The following CFAP36 variants were observed in gnomAD, a reference collection of about 807,000 sequenced individuals.
CFAP36 encodes the protein cilia- and flagella-associated protein 36.
A neutral mutation model predicts 50.5 loss-of-function variants in CFAP36; 37 were observed. That is an observed-to-expected ratio of 0.73 (90% CI 0.56 to 0.96). CFAP36 has a LOEUF of 0.96. Among genes scored for constraint, CFAP36 ranks in the 50% least tolerant of loss-of-function variants. CFAP36 has a pLI of 0.00. For synonymous variants in CFAP36, 138 were observed against 128.2 expected, an observed-to-expected ratio of 1.08 and a Z score of -0.52; for missense variants, 407 against 396.2, an observed-to-expected ratio of 1.03 and a Z score of -0.23.
chr2:55,522,005 T>G, intron 1 of CFAP36, 97 bp from the exon 2 acceptor site: 1 of 631,124 alleles, frequency 1.6e-6, no homozygotes, highest in Non-Finnish European at 2.8e-6. Flanking sequence ...GCTGAAGAGC[T>G]AGGTTGACAG....
intron 4 of CFAP36, among the ~76,000 whole-genome samples, chr2:55,530,118 TAATTGAATTTTGGGGGC>T (rs1684316817): frequency 6.6e-6 from 1 of 151,994 alleles, no homozygotes; most frequent in Non-Finnish European, 1.5e-5. Context: ...CAGTGGGAGG[TAATTGAATTTTGGGGGC>T]AGGTGTTCCC....
intron 9 of CFAP36, among the ~76,000 whole-genome samples, 156 bp downstream of exon 9, chr2:55,544,525 T>G (rs1233562442): frequency 1.3e-5 from 2 of 152,144 alleles, no homozygotes; most frequent in Non-Finnish European, 2.9e-5. Flanking sequence ...TTCTAGGAAG[T>G]GAAATTGTTG....
At chr2:55,530,305 G>T (rs555704636) in intron 4 of CFAP36, among the ~76,000 whole-genome samples, 1 of 152,342 alleles carries the variant, frequency 6.6e-6, no homozygotes, top group Admixed American at 6.5e-5. Context: ...CCCCAGCCAT[G>T]TGGAAATGTA....
At chr2:55,531,494 G>T (rs1239798670) in intron 4 of CFAP36, among the ~76,000 whole-genome samples, 1 of 152,178 alleles carries the variant, frequency 6.6e-6, no homozygotes, top group African/African-American at 2.4e-5. Flanking sequence ...CAGAGGAAGG[G>T]AGAGAAGGAA....
At chr2:55,525,983 C>G (rs1007143235) in intron 3 of CFAP36, among the ~76,000 whole-genome samples, 1 of 152,204 alleles carries the variant, frequency 6.6e-6, no homozygotes, top group Non-Finnish European at 1.5e-5. Context: ...GTCCCTTAAC[C>G]TGGAATGTAT....
intron 4 of CFAP36, among the ~76,000 whole-genome samples, chr2:55,530,685 A>G (rs1427638484): frequency 6.6e-6 from 1 of 152,186 alleles, no homozygotes; most frequent in Admixed American, 6.5e-5. Context: ...TTGTTATTGT[A>G]CCATTTCCTT....
intron 4 of CFAP36, among the ~76,000 whole-genome samples, chr2:55,532,635 T>C (rs1229048778): frequency 6.6e-6 from 1 of 152,250 alleles, no homozygotes; most frequent in Non-Finnish European, 1.5e-5. Flanking sequence ...GTAAAGAGTA[T>C]ATAGCAGATT....
chr2:55,532,205 A>AT (rs1684370483), intron 4 of CFAP36, among the ~76,000 whole-genome samples: 1 of 151,476 alleles, frequency 6.6e-6, no homozygotes, highest in African/African-American at 2.4e-5. Flanking sequence ...CTGTCTCAAA[A>AT]TTAAAAAAAA....
chr2:55,541,577 A>G (rs1427803205), intron 7 of CFAP36, among the ~76,000 whole-genome samples: 1 of 152,174 alleles, frequency 6.6e-6, no homozygotes, highest in East Asian at 1.9e-4. Flanking sequence ...ACCTTGCTAT[A>G]TAATTATTCA....
At chr2:55,524,422 ATTTTTT>A (rs57908457) in intron 3 of CFAP36, among the ~76,000 whole-genome samples, 3,043 of 99,396 alleles carry the variant, frequency 0.031, 33 homozygotes, top group Non-Finnish European at 0.041. Flanking sequence ...CACATGGCTA[ATTTTTT>A]TTTTTTTTTT....
Position 55,539,897 on chromosome 2 carries a change from C to T in CFAP36, c.640+2312C>T, listed in dbSNP as rs116881179. ...GAGCATCTTTTCATATGCTTGTCAT[C>T]TATGTATCTTCTTTGGTGATGAGTC... is the stretch of plus-strand genomic sequence containing the variant. On this transcript the variant is annotated intron_variant, in intron 7 of 9. Coordinates refer to ENST00000349456, the MANE Select transcript of CFAP36 (RefSeq NM_080667.7). Among the ~76,000 whole-genome samples the T allele has an allele frequency of 3.4e-4, 52 of 152,264 alleles. No individual in the cohort carries two copies. In the East Asian group the frequency reaches 9.8e-3, roughly 29 times the overall value.
intron 7 of CFAP36, among the ~76,000 whole-genome samples, chr2:55,540,400 A>G (rs1684602037): frequency 6.6e-6 from 1 of 152,116 alleles, no homozygotes; most frequent in African/African-American, 2.4e-5. Flanking sequence ...TGTCAAAGAT[A>G]AATTGATTAT....
At chr2:55,520,987 A>ATC (rs1006478444) in intron 1 of CFAP36, among the ~76,000 whole-genome samples, 6 of 152,252 alleles carry the variant, frequency 3.9e-5, no homozygotes, top group African/African-American at 1.4e-4. Context: ...CTATTCAGCT[A>ATC]TCAAATGGTC....
chr2:55,539,093 T>C (rs1463759879), intron 7 of CFAP36: 2 of 324,462 alleles, frequency 6.2e-6, no homozygotes, highest in Non-Finnish European at 5.3e-6. Context: ...ATTTGTTACG[T>C]TGGTGAACCT....
At chr2:55,522,947 TAATC>T (rs1212162046) in intron 2 of CFAP36, among the ~76,000 whole-genome samples, 1 of 150,520 alleles carries the variant, frequency 6.6e-6, no homozygotes, top group Non-Finnish European at 1.5e-5. Context: ...TTACAAAAAT[TAATC>T]AGTCATGATG....
rs72803515 is a variant in CFAP36, at chr2:55,535,696, T to C, written c.486-16T>C. ...AAAGGAAATTTATCTTTTTATCTTA[T>C]TTTTGTATATTTCAGAAAATCAAAA... On this transcript the variant is annotated splice_polypyrimidine_tract_variant and intron_variant, in intron 5 of 9. Transcript: ENST00000349456. The C allele has an allele frequency of 0.049, 73,958 of 1,511,948 alleles. 2,256 individuals are homozygous for C. The highest frequency in any genetic ancestry group is 0.1 in the South Asian group (7,504 of 74,414). 93.7% of individuals were successfully genotyped at this position (1,511,948 alleles called of 1,614,324 possible). A position where few individuals can be genotyped will look rare whatever the true frequency, so the allele number is the denominator to read the frequency against.
At chr2:55,533,392 G>A (rs1248027244) in intron 4 of CFAP36, among the ~76,000 whole-genome samples, 2 of 152,070 alleles carry the variant, frequency 1.3e-5, no homozygotes, top group Non-Finnish European at 2.9e-5. Flanking sequence ...TGTAAAATAG[G>A]AAAAGGCTTA....
chr2:55,533,506 C>G (rs1489712743), intron 4 of CFAP36, among the ~76,000 whole-genome samples: 1 of 151,804 alleles, frequency 6.6e-6, no homozygotes, highest in Non-Finnish European at 1.5e-5. Context: ...GAGTTTGAGA[C>G]CAGCCTGCCG....
At chr2:55,535,992 C>A in intron 6 of CFAP36, 2 of 788,842 alleles carry the variant, frequency 2.5e-6, no homozygotes, top group Non-Finnish European at 3.5e-6. Context: ...ATAGTACAAA[C>A]ACCACATAGT....
Sources: allele counts gnomAD v4.1 joint callset (sites outside exome capture counted in the v4.1 genomes callset), GRCh38; gene constraint gnomAD v4.1.1; transcripts MANE v1.5; gene names NCBI Gene and HGNC (gene_info 2026-07-23, HGNC 2026-07-21).